THSD7A: variants seen among roughly 807,000 people sequenced by gnomAD.
The protein encoded by THSD7A is thrombospondin type 1 domain containing 7A.
THSD7A carries 96 observed loss-of-function variants against 231.3 expected under a neutral mutation model. The observed-to-expected ratio is 0.41, with a 90% CI of 0.35 to 0.49. The LOEUF (loss-of-function observed/expected upper bound fraction) is 0.49. Among genes scored for constraint, THSD7A ranks in the 20% least tolerant of loss-of-function variants. THSD7A has a pLI of 0.05. For synonymous variants in THSD7A, 940 were observed against 743.3 expected (o/e 1.26, Z -4.30); for missense variants, 2,290 against 2,070.2 (o/e 1.11, Z -2.06).
intron 2 of THSD7A, among the ~76,000 whole-genome samples, chr7:11,612,535 T>C (rs1780970582): frequency 1.3e-5 from 2 of 152,216 alleles, no homozygotes; most frequent in Admixed American, 6.5e-5. Context: ...TTGAGACACA[T>C]TGCAAATCTT....
Position 11,462,304 on chromosome 7 carries a change from C to T in THSD7A, c.2369-161G>A, listed in dbSNP as rs73677709. ...ACATTCACTAAATTCTCCCAAAGAC[C>T]ATTTATATCAAAAACCCAATCAATT... is the stretch of plus-strand genomic sequence containing the variant. On this transcript the variant is annotated intron_variant, in intron 9 of 27. Coordinates refer to ENST00000423059, the MANE Select transcript of THSD7A (RefSeq NM_015204.3). Among the ~76,000 whole-genome samples the T allele has an allele frequency of 1.2e-3, 177 of 152,256 alleles. 1 individual carries two copies. The highest frequency in any genetic ancestry group is 4.0e-3 in the African/African-American group (168 of 41,564).
rs2128294676 is a variant in THSD7A, at chr7:11,447,353, G to T, written c.2677C>A (p.Pro893Thr). Reference sequence around the variant, plus strand: ...ATCTGGCAGGCCTGGGTAAGGGCTGGCACAGGGCCTGCATACTGTAGGCAC... The same window carrying T: ...ATCTGGCAGGCCTGGGTAAGGGCTGTCACAGGGCCTGCATACTGTAGGCAC... ...HECLQYAGPV[P>T]ALTQACQIPC... The change falls in exon 12 of 28, where the codon CCA becomes ACA. Residue 893 changes from proline to threonine, a missense_variant. Coordinates refer to ENST00000423059, the MANE Select transcript of THSD7A (RefSeq NM_015204.3). 1 of 1,612,292 alleles carries T rather than the reference G, an allele frequency of 6.2e-7. No individual in the cohort carries two copies. The highest frequency in any genetic ancestry group is 8.5e-7 in the Non-Finnish European group (1 of 1,179,122).
intron 1 of THSD7A, among the ~76,000 whole-genome samples, chr7:11,711,529 C>A (rs139503947): frequency 7.8e-4 from 118 of 151,116 alleles, no homozygotes; most frequent in African/African-American, 2.8e-3. Context: ...TATTTAACAT[C>A]CTCAATTTCC....
At chr7:11,487,860 A>G (rs1258699267) in intron 6 of THSD7A, among the ~76,000 whole-genome samples, 1 of 152,092 alleles carries the variant, frequency 6.6e-6, no homozygotes, top group African/African-American at 2.4e-5. Context: ...TCAAGGTGAG[A>G]TTTGGGTGGG....
At chr7:11,641,185 CT>C (rs1171586967) in intron 1 of THSD7A, among the ~76,000 whole-genome samples, 17 of 151,988 alleles carry the variant, frequency 1.1e-4, no homozygotes, top group African/African-American at 3.9e-4. Flanking sequence ...GTGTGTATAC[CT>C]TTTACATATG....
Position 11,740,256 on chromosome 7 carries a change from G to T in THSD7A, c.190+91501C>A, listed in dbSNP as rs954851477. On this transcript the variant is annotated intron_variant, in intron 1 of 27. Coordinates refer to ENST00000423059, the MANE Select transcript of THSD7A (RefSeq NM_015204.3). ...ATTAATTTGGAAGCCATGATGGCCG[G>T]GACAAAATGAGTGGTCAATGATCCC... 6.6e-5 allele frequency among the ~76,000 whole-genome samples: 10 copies of T among 152,020 alleles called. No individual in the cohort carries two copies. In the South Asian group the frequency reaches 1.0e-3, roughly 16 times the overall value.
chr7:11,442,044 C>G (rs1033381849), intron 13 of THSD7A, among the ~76,000 whole-genome samples: 1 of 151,970 alleles, frequency 6.6e-6, no homozygotes, highest in Non-Finnish European at 1.5e-5. Flanking sequence ...TCCAATATTT[C>G]ATACCAAGAG....
At chr7:11,388,425 GTA>G (rs1237727127) in intron 23 of THSD7A, among the ~76,000 whole-genome samples, 1 of 152,126 alleles carries the variant, frequency 6.6e-6, no homozygotes, top group Admixed American at 6.5e-5. Flanking sequence ...TTTGGAGGAT[GTA>G]TGTGTCCAGG....
chr7:11,376,527 C>T (rs778993912), intron 27 of THSD7A, 43 bp downstream of exon 27: 35 of 1,428,454 alleles, frequency 2.5e-5, no homozygotes, highest in East Asian at 5.0e-5. Context: ...TTCTGTGTTA[C>T]GATTAAGTAT....
chr7:11,528,912 G>T (rs1788587874), intron 6 of THSD7A, among the ~76,000 whole-genome samples: 1 of 152,040 alleles, frequency 6.6e-6, no homozygotes. Context: ...CGGTCTTAAA[G>T]TTTAAAGATT....
intron 1 of THSD7A, among the ~76,000 whole-genome samples, chr7:11,777,414 T>TACACAC (rs66487858): frequency 8.4e-4 from 123 of 147,274 alleles, no homozygotes; most frequent in East Asian, 2.0e-3. Flanking sequence ...GTAAATTAAG[T>TACACAC]ACACACACAC....
intron 26 of THSD7A, chr7:11,376,946 T>A (rs797002031): frequency 1.2e-4 from 32 of 261,886 alleles, no homozygotes; most frequent in African/African-American, 6.8e-4. Flanking sequence ...CAATTTTACT[T>A]CAAACTCAAT....
intron 1 of THSD7A, among the ~76,000 whole-genome samples, chr7:11,672,702 A>C (rs1466143968): frequency 6.6e-6 from 1 of 152,208 alleles, no homozygotes; most frequent in Non-Finnish European, 1.5e-5. Flanking sequence ...TTAATAAAAA[A>C]AGTTCTTATA....
chr7:11,581,208 T>C (rs1360683080), intron 4 of THSD7A, among the ~76,000 whole-genome samples: 3 of 152,096 alleles, frequency 2.0e-5, no homozygotes, highest in African/African-American at 2.4e-5. Context: ...ATTATCATCA[T>C]TGTTATTACT....
At chr7:11,461,222 C>T (rs1429823455) in intron 10 of THSD7A, among the ~76,000 whole-genome samples, 1 of 152,010 alleles carries the variant, frequency 6.6e-6, no homozygotes, top group African/African-American at 2.4e-5. Flanking sequence ...AAAACAAATT[C>T]CAAAAATAAA....
Position 11,593,385 on chromosome 7 carries a change from C to T in THSD7A, c.1140G>A (p.Val380=), listed in dbSNP as rs1246881107. Residue 380 remains valine, a synonymous_variant, in exon 3 of 28, where the codon GTG becomes GTA. Transcript: ENST00000423059. ...SPCSKTCHDM[V]SPAGTRVRTR... is the part of the protein sequence containing the mutation. ...TCCTTACACGAGTGCCTGCAGGGGA[C>T]ACCATGTCATGGCATGTTTTTGAGC... The T allele has an allele frequency of 6.2e-7, 1 of 1,614,010 alleles. No homozygotes were observed. Among genetic ancestry groups the T allele is most frequent in the Non-Finnish European group, 8.5e-7 (1 of 1,179,898 alleles).
intron 6 of THSD7A, among the ~76,000 whole-genome samples, chr7:11,523,317 G>C (rs971247212): frequency 5.3e-5 from 8 of 151,940 alleles, no homozygotes; most frequent in African/African-American, 1.9e-4. Context: ...GAGAGACACA[G>C]GCACTAGAAA....
intron 6 of THSD7A, among the ~76,000 whole-genome samples, chr7:11,505,957 T>C (rs1437549143): frequency 1.3e-5 from 2 of 152,166 alleles, no homozygotes; most frequent in Non-Finnish European, 2.9e-5. Context: ...AGCACCTGTT[T>C]TTGAAAGCAC....
At chr7:11,769,006 G>A (rs942894052) in intron 1 of THSD7A, among the ~76,000 whole-genome samples, 9 of 148,442 alleles carry the variant, frequency 6.1e-5, no homozygotes, top group Non-Finnish European at 1.3e-4. Context: ...TGCCCAGGCT[G>A]GAGTGCAATG....
Sources: gnomAD v4.1 joint callset for allele counts (sites outside exome capture counted in the v4.1 genomes callset) on GRCh38, gnomAD v4.1.1 for gene constraint, MANE v1.5 for transcripts, NCBI Gene and HGNC (gene_info 2026-07-23, HGNC 2026-07-21) for gene names.